The following WFDC1 variants were observed in gnomAD, a reference collection of about 807,000 sequenced individuals.
The protein encoded by WFDC1 is WAP four-disulfide core domain 1.
In WFDC1, 39 loss-of-function variants were observed where a neutral mutation model predicts 32.9. The ratio of observed to expected loss-of-function variants is 1.19; its 90% CI spans 0.92 to 1.55. WFDC1 has a LOEUF of 1.55. Ranked by LOEUF, WFDC1 falls within the 40% of genes most tolerant of loss-of-function variation. The pLI, the probability that WFDC1 is intolerant of heterozygous loss-of-function variation, is 0.00. For synonymous variants in WFDC1, 184 were observed against 137.4 expected, an observed-to-expected ratio of 1.34 and a Z score of -2.37; for missense variants, 386 against 309.5, an observed-to-expected ratio of 1.25 and a Z score of -1.85.
At chr16:84,295,310 T>G (rs1211581998) in intron 1 of WFDC1, 195 bp downstream of exon 1, 2 of 614,746 alleles carry the variant, frequency 3.3e-6, no homozygotes, top group Non-Finnish European at 5.3e-6. Flanking sequence ...GACCCTTATC[T>G]GTGAATCAAG....
At position 84,295,369 on chromosome 16, in the gene WFDC1, G is replaced by A. The variant is rs74717667; in HGVS notation, c.144+254G>A. ...TGCCAAAGAATCGTGCCTTACTTTTGCCTTGTTACAAAAGTATGCTTGCTC... is the reference window on the plus strand; with the variant it reads ...TGCCAAAGAATCGTGCCTTACTTTTACCTTGTTACAAAAGTATGCTTGCTC... On this transcript the variant is annotated intron_variant, in intron 1 of 6. Coordinates refer to ENST00000219454, the MANE Select transcript of WFDC1 (RefSeq NM_021197.4). 9.9e-6 allele frequency: 5 copies of A among 503,946 alleles called. No individual in the cohort carries two copies. In the South Asian group the frequency reaches 1.9e-4, roughly 19 times the overall value. 31.2% of individuals were successfully genotyped at this position (503,946 alleles called of 1,614,324 possible).
At chr16:84,323,789 A>G (rs1908435016) in intron 4 of WFDC1, among the ~76,000 whole-genome samples, 1 of 152,214 alleles carries the variant, frequency 6.6e-6, no homozygotes, top group Non-Finnish European at 1.5e-5. Flanking sequence ...CATTTACTCA[A>G]CAGTGTGTTG....
intron 1 of WFDC1, among the ~76,000 whole-genome samples, chr16:84,306,036 A>G (rs1274890483): frequency 1.3e-5 from 2 of 149,268 alleles, no homozygotes; most frequent in East Asian, 2.0e-4. Flanking sequence ...AATAATAATA[A>G]TAATAATAAT....
chr16:84,300,588 A>C (rs1248592294), intron 1 of WFDC1, among the ~76,000 whole-genome samples: 1 of 152,234 alleles, frequency 6.6e-6, no homozygotes, highest in African/African-American at 2.4e-5. Context: ...TTTTGGAAAC[A>C]GGTTCATTAC....
chr16:84,319,970 A>T (rs150479759), intron 4 of WFDC1, among the ~76,000 whole-genome samples: 35 of 152,346 alleles, frequency 2.3e-4, no homozygotes, highest in African/African-American at 7.9e-4. Context: ...GTAGGTGGTC[A>T]GTAAGCACTG....
chr16:84,304,879 C>A (rs909968221), intron 1 of WFDC1, among the ~76,000 whole-genome samples: 1 of 152,154 alleles, frequency 6.6e-6, no homozygotes, highest in Non-Finnish European at 1.5e-5. Flanking sequence ...CACAGGAGGG[C>A]AGAGGGAACA....
intron 2 of WFDC1, among the ~76,000 whole-genome samples, chr16:84,315,328 T>C (rs1384890531): frequency 6.6e-6 from 1 of 152,212 alleles, no homozygotes; most frequent in East Asian, 1.9e-4. Flanking sequence ...TGTAGCGTAA[T>C]CTGGAAGACT....
At chr16:84,312,161 G>A (rs534541336) in intron 1 of WFDC1, among the ~76,000 whole-genome samples, 3 of 152,232 alleles carry the variant, frequency 2.0e-5, no homozygotes, top group African/African-American at 7.2e-5. Flanking sequence ...GCGAAACTCC[G>A]TCTCAAAAAC....
chr16:84,319,930 G>A (rs898936054), intron 4 of WFDC1, among the ~76,000 whole-genome samples: 1 of 152,178 alleles, frequency 6.6e-6, no homozygotes, highest in African/African-American at 2.4e-5. Flanking sequence ...AATCATAAGT[G>A]CAGAGCAGTC....
chr16:84,314,902 C>G (rs1907859830), intron 2 of WFDC1, among the ~76,000 whole-genome samples: 1 of 152,270 alleles, frequency 6.6e-6, no homozygotes, highest in South Asian at 2.1e-4. Context: ...GATGATACAA[C>G]TGTACATGGC....
intron 1 of WFDC1, among the ~76,000 whole-genome samples, chr16:84,298,138 A>ATT (rs751086141): frequency 6.7e-6 from 1 of 148,338 alleles, no homozygotes; most frequent in Non-Finnish European, 1.5e-5. Flanking sequence ...AAAGGAAAGA[A>ATT]TTTTTTTTTT....
intron 2 of WFDC1, chr16:84,317,943 C>T: frequency 3.6e-6 from 1 of 280,848 alleles, no homozygotes; most frequent in Non-Finnish European, 7.2e-6. Flanking sequence ...GAATGGCCCC[C>T]AGCCTGCAGG....
At chr16:84,297,283 C>T (rs1906652645) in intron 1 of WFDC1, among the ~76,000 whole-genome samples, 2 of 152,140 alleles carry the variant, frequency 1.3e-5, no homozygotes, top group Non-Finnish European at 1.5e-5. Flanking sequence ...CAGATATTGG[C>T]CTCCTTCCTC....
chr16:84,315,872 G>A (rs1366464488), intron 2 of WFDC1, among the ~76,000 whole-genome samples: 5 of 152,154 alleles, frequency 3.3e-5, no homozygotes, highest in Admixed American at 2.6e-4. Context: ...AAGGACTTGG[G>A]CCCAGGTTGT....
intron 6 of WFDC1, chr16:84,328,284 C>G (rs1421089566): frequency 6.6e-6 from 1 of 152,268 alleles, no homozygotes; most frequent in East Asian, 1.9e-4. Flanking sequence ...GGCTTGCCCT[C>G]ACGTGCCCTC....
chr16:84,314,316 CTGGGGAAAATGTGCCCTTGGG>C (rs914981393), intron 2 of WFDC1, among the ~76,000 whole-genome samples: 2 of 152,140 alleles, frequency 1.3e-5, no homozygotes, highest in African/African-American at 2.4e-5. Flanking sequence ...TAGCTATTTC[CTGGGGAAAATGTGCCCTTGGG>C]TGGGGAAAAT....
chr16:84,305,733 G>T lies in WFDC1; in HGVS notation c.145-7228G>T, dbSNP rs1907210914. Among the ~76,000 whole-genome samples, 2 of 152,196 alleles carry T rather than the reference G, an allele frequency of 1.3e-5. 1 individual carries two copies. The highest frequency in any genetic ancestry group is 4.1e-4 in the South Asian group (2 of 4,832). ...AAAAATAAAAGGAGCCAGGCGTGGTGGCTGACGCTTGTAATCCCAGCACTT... is the reference window on the plus strand; with the variant it reads ...AAAAATAAAAGGAGCCAGGCGTGGTTGCTGACGCTTGTAATCCCAGCACTT... On this transcript the variant is annotated intron_variant, in intron 1 of 6. Coordinates refer to ENST00000219454, the MANE Select transcript of WFDC1 (RefSeq NM_021197.4).
At chr16:84,321,489 T>C (rs1406750205) in intron 4 of WFDC1, among the ~76,000 whole-genome samples, 1 of 152,214 alleles carries the variant, frequency 6.6e-6, no homozygotes, top group East Asian at 1.9e-4. Flanking sequence ...TATGCCACCA[T>C]TTATAATAAT....
At chr16:84,297,769 C>T (rs1906696705) in intron 1 of WFDC1, among the ~76,000 whole-genome samples, 1 of 152,140 alleles carries the variant, frequency 6.6e-6, no homozygotes, top group Non-Finnish European at 1.5e-5. Context: ...ATGTGCTGTG[C>T]AATCTTGGAC....
Sources: allele counts gnomAD v4.1 joint callset (sites outside exome capture counted in the v4.1 genomes callset), GRCh38; gene constraint gnomAD v4.1.1; transcripts MANE v1.5; gene names NCBI Gene and HGNC (gene_info 2026-07-23, HGNC 2026-07-21).